Variants in SLCO3A1 observed in about 807,000 individuals in gnomAD.
SLCO3A1 encodes the protein solute carrier organic anion transporter family member 3A1, also known as PGE1 transporter.
SLCO3A1 carries 27 observed loss-of-function variants against 63.1 expected under a neutral mutation model. The observed-to-expected ratio is 0.43, with a 90% confidence interval of 0.32 to 0.59. The LOEUF is 0.59. SLCO3A1 is among the 20% of genes least tolerant of loss of function. The pLI, the probability that SLCO3A1 is intolerant of heterozygous loss-of-function variation, is 0.09. For synonymous variants in SLCO3A1, 473 were observed against 409.9 expected, an observed-to-expected ratio of 1.15 and a Z score of -1.86; for missense variants, 773 against 945.8, an observed-to-expected ratio of 0.82 and a Z score of 2.40.
At chr15:92,044,800 C>T (rs1375912776) in intron 2 of SLCO3A1, among the ~76,000 whole-genome samples, 1 of 152,160 alleles carries the variant, frequency 6.6e-6, no homozygotes, top group Non-Finnish European at 1.5e-5. Context: ...CCATCGATTC[C>T]TCTTTCCCTT....
intron 2 of SLCO3A1, among the ~76,000 whole-genome samples, chr15:91,949,074 G>A (rs1048756885): frequency 5.9e-5 from 9 of 152,098 alleles, no homozygotes; most frequent in Non-Finnish European, 1.3e-4. Flanking sequence ...TCCTTACTGA[G>A]TGCTGACCCT....
intron 2 of SLCO3A1, among the ~76,000 whole-genome samples, chr15:92,045,074 A>G (rs1481041150): frequency 6.6e-6 from 1 of 152,108 alleles, no homozygotes; most frequent in Non-Finnish European, 1.5e-5. Context: ...AGGTCAGGAG[A>G]TGGAGACAAT....
intron 2 of SLCO3A1, among the ~76,000 whole-genome samples, chr15:92,071,364 A>G (rs1167942350): frequency 6.6e-6 from 1 of 152,220 alleles, no homozygotes; most frequent in Non-Finnish European, 1.5e-5. Flanking sequence ...TTTGGCAGCG[A>G]GCAAGGCAAA....
intron 3 of SLCO3A1, among the ~76,000 whole-genome samples, chr15:92,101,292 T>G (rs771204515): frequency 3.3e-5 from 5 of 152,148 alleles, no homozygotes; most frequent in Non-Finnish European, 1.5e-5. Context: ...GTGGATCACC[T>G]GAGGTCAGGA....
chr15:91,862,250 T>C lies in SLCO3A1; in HGVS notation c.180+8162T>C, dbSNP rs1897066500. On this transcript the variant is annotated intron_variant, in intron 1 of 9. Coordinates refer to ENST00000318445, the MANE Select transcript of SLCO3A1 (RefSeq NM_013272.4). The surrounding 1 kb of genome is among the most constrained non-coding windows in gnomAD (Gnocchi z 4.0). The stretch of plus-strand genomic sequence containing the variant: ...CTCACTGCAACCTCTGCCTCCCGGG[T>C]TCAAGCAATTCTCCTGCCTCAGCCT... 6.6e-6 allele frequency among the ~76,000 whole-genome samples: 1 copy of C among 151,120 alleles called. No homozygotes were observed. Among genetic ancestry groups the C allele is most frequent in the Admixed American group, 6.6e-5 (1 of 15,184 alleles).
chr15:91,982,958 G>A (rs1413334606), intron 2 of SLCO3A1, among the ~76,000 whole-genome samples: 2 of 152,218 alleles, frequency 1.3e-5, no homozygotes, highest in Non-Finnish European at 2.9e-5. Flanking sequence ...GGAACTGAGG[G>A]AGTCTGTCCC....
intron 2 of SLCO3A1, among the ~76,000 whole-genome samples, chr15:91,919,824 A>G (rs545987416): frequency 5.9e-4 from 89 of 152,056 alleles, no homozygotes; most frequent in African/African-American, 2.0e-3. Context: ...CTTTATTCCT[A>G]GTTAAAAAGC....
downstream of SLCO3A1, among the ~76,000 whole-genome samples, chr15:92,166,988 A>G (rs1338231657): frequency 6.6e-6 from 1 of 152,254 alleles, no homozygotes; most frequent in Non-Finnish European, 1.5e-5. Context: ...AGGTCAGTGC[A>G]TAGAGGTCAA....
chr15:92,012,124 G>A (rs1000320778), intron 2 of SLCO3A1, among the ~76,000 whole-genome samples: 1 of 152,260 alleles, frequency 6.6e-6, no homozygotes, highest in Admixed American at 6.5e-5. Context: ...GCAACCCACT[G>A]TCACTGAGGT....
intron 2 of SLCO3A1, among the ~76,000 whole-genome samples, chr15:91,944,416 G>C (rs1020378968): frequency 2.6e-5 from 4 of 152,132 alleles, no homozygotes; most frequent in African/African-American, 9.7e-5. Flanking sequence ...ACCAAAGTGA[G>C]ACAAAGCATT....
At chr15:91,957,916 T>TACTC (rs1900298155) in intron 2 of SLCO3A1, among the ~76,000 whole-genome samples, 1 of 152,136 alleles carries the variant, frequency 6.6e-6, no homozygotes, top group Non-Finnish European at 1.5e-5. Flanking sequence ...ACATAACAGG[T>TACTC]ACTCACCAGG....
At chr15:92,112,906 A>G (rs2047746739) in intron 4 of SLCO3A1, among the ~76,000 whole-genome samples, 1 of 152,192 alleles carries the variant, frequency 6.6e-6, no homozygotes, top group South Asian at 2.1e-4. Flanking sequence ...TTCTCTTTCC[A>G]GGCTTTCCAG....
chr15:92,061,258 A>G (rs1176975790), intron 2 of SLCO3A1, among the ~76,000 whole-genome samples: 2 of 152,190 alleles, frequency 1.3e-5, no homozygotes, highest in Non-Finnish European at 2.9e-5. Flanking sequence ...TTAGAGGCTG[A>G]CTGGCTCATG....
At chr15:92,005,717 C>G (rs2046304795) in intron 2 of SLCO3A1, among the ~76,000 whole-genome samples, 2 of 152,148 alleles carry the variant, frequency 1.3e-5, no homozygotes, top group South Asian at 4.1e-4. Flanking sequence ...GCAGAGCACA[C>G]CTACGCTAGC....
In SLCO3A1 at chr15:91,907,986, G is replaced by A. The variant is rs1050284303; in HGVS notation, c.181-8007G>A. 5.3e-5 allele frequency among the ~76,000 whole-genome samples: 8 copies of A among 152,254 alleles called. No homozygotes were observed. In the East Asian group the frequency reaches 9.7e-4, roughly 18 times the overall value. On this transcript the variant is annotated intron_variant, in intron 1 of 9. Transcript: ENST00000318445. ...GCTTTCATGATCCTGCTGCAAGGAC[G>A]AGGAAAGCCACCACGCACAACCCCA... is the stretch of plus-strand genomic sequence containing the variant.
intron 2 of SLCO3A1, among the ~76,000 whole-genome samples, chr15:92,078,964 G>A (rs2047310876): frequency 6.6e-6 from 1 of 152,148 alleles, no homozygotes; most frequent in African/African-American, 2.4e-5. Context: ...ACTCGAGCTT[G>A]CGCCCTGTGA....
chr15:92,145,494 C>G (rs994612108), intron 7 of SLCO3A1, among the ~76,000 whole-genome samples: 12 of 152,246 alleles, frequency 7.9e-5, no homozygotes, highest in Non-Finnish European at 1.5e-4. Context: ...GGTCTTGTCC[C>G]GAGGTTCTTG....
chr15:91,966,493 A>G (rs767353916), intron 2 of SLCO3A1, among the ~76,000 whole-genome samples: 14 of 152,236 alleles, frequency 9.2e-5, no homozygotes, highest in Non-Finnish European at 2.1e-4. Flanking sequence ...CCCAGGGTAC[A>G]TGGGACAGAA....
At chr15:92,138,189 A>T (rs1250078955) in intron 7 of SLCO3A1, among the ~76,000 whole-genome samples, 1 of 112,016 alleles carries the variant, frequency 8.9e-6, no homozygotes, top group Non-Finnish European at 1.7e-5. Context: ...AGCTTTCTAC[A>T]TATGGCTAGC....
Sources: allele counts gnomAD v4.1 joint callset (sites outside exome capture counted in the v4.1 genomes callset), GRCh38; gene constraint gnomAD v4.1.1; non-coding constraint Gnocchi (gnomAD v3.1); transcripts MANE v1.5; gene names NCBI Gene and HGNC (gene_info 2026-07-23, HGNC 2026-07-21).